Variants in CEP63 observed in about 807,000 individuals in gnomAD.
CEP63 encodes the protein centrosomal protein 63.
A neutral mutation model predicts 89.1 loss-of-function variants in CEP63; 84 were observed. That is an observed-to-expected ratio of 0.94 (90% CI 0.79 to 1.13). The LOEUF (loss-of-function observed/expected upper bound fraction) is 1.13. Among genes scored for constraint, CEP63 ranks in the 50% most tolerant of loss-of-function variants. The pLI is 0.00. For synonymous variants in CEP63, 267 were observed against 272.5 expected (o/e 0.98, Z 0.20); for missense variants, 838 against 813.3 (o/e 1.03, Z -0.37).
chr3:134,753,784 C>T, the CEP63 span, among the ~76,000 whole-genome samples: 1 of 152,204 alleles, frequency 6.6e-6, no homozygotes, highest in Non-Finnish European at 1.5e-5. Context: ...GGTGGGGTAA[C>T]TTACCTGAGG....
chr3:134,516,990 G>A (rs945219822), intron 3 of CEP63, among the ~76,000 whole-genome samples: 1 of 152,154 alleles, frequency 6.6e-6, no homozygotes, highest in Non-Finnish European at 1.5e-5. Context: ...TTCAAGTAGT[G>A]GAGGGACTAG....
chr3:134,635,911 C>T, the CEP63 span, among the ~76,000 whole-genome samples: 4 of 152,290 alleles, frequency 2.6e-5, no homozygotes, highest in East Asian at 7.7e-4. Flanking sequence ...TTTTCATAAC[C>T]TGCTTTCTTC....
At chr3:134,490,537 A>T (rs879476378) in intron 1 of CEP63, among the ~76,000 whole-genome samples, 1 of 151,902 alleles carries the variant, frequency 6.6e-6, no homozygotes, top group South Asian at 2.1e-4. Flanking sequence ...TTAGCCTATC[A>T]AGTTGATATC....
chr3:134,588,154 G>A (rs1233659689), downstream of CEP63, among the ~76,000 whole-genome samples: 1 of 152,116 alleles, frequency 6.6e-6, no homozygotes, highest in African/African-American at 2.4e-5. Context: ...TCAGCTGGGT[G>A]TGGTGGCACG....
Position 134,507,184 on chromosome 3 carries a change from A to G in CEP63, c.120A>G (p.Lys40=), listed in dbSNP as rs1426225764. ...KQIDIMVAHK[K]SEWEGRTHAL... The stretch of plus-strand genomic sequence containing the variant: ...TTGACATAATGGTGGCTCATAAAAA[A>G]TCTGAATGGGAAGGACGTACACATG... Residue 40 remains lysine, a synonymous_variant, in exon 3 of 15, where the codon AAA becomes AAG. Transcript: ENST00000675561. 1.2e-6 allele frequency: 2 copies of G among 1,613,750 alleles called. No individual in the cohort carries two copies. The highest frequency in any genetic ancestry group is 1.7e-6 in the Non-Finnish European group (2 of 1,179,894).
At chr3:134,547,165 C>T (rs186324897) in intron 8 of CEP63, among the ~76,000 whole-genome samples, 170 bp from the exon 9 acceptor site, 6 of 152,256 alleles carry the variant, frequency 3.9e-5, no homozygotes, top group African/African-American at 1.4e-4. Flanking sequence ...GAAGTATCAG[C>T]ATCTCTTGAC....
At chr3:134,710,640 T>C in the CEP63 span, among the ~76,000 whole-genome samples, 3 of 152,206 alleles carry the variant, frequency 2.0e-5, no homozygotes, top group African/African-American at 7.2e-5. Flanking sequence ...CAGTTCATCT[T>C]TGTATTTCTA....
the CEP63 span, among the ~76,000 whole-genome samples, chr3:134,624,178 C>A: frequency 6.6e-6 from 1 of 152,166 alleles, no homozygotes; most frequent in African/African-American, 2.4e-5. Flanking sequence ...CCCTCTCCCC[C>A]ACCTCCCACC....
chr3:134,627,508 G>A, the CEP63 span, among the ~76,000 whole-genome samples: 1 of 152,172 alleles, frequency 6.6e-6, no homozygotes, highest in African/African-American at 2.4e-5. Flanking sequence ...ATAATGGTCT[G>A]CCTTGTTATT....
At chr3:134,496,395 A>G (rs1023189274) in intron 2 of CEP63, among the ~76,000 whole-genome samples, 2 of 144,740 alleles carry the variant, frequency 1.4e-5, no homozygotes, top group African/African-American at 5.1e-5. Context: ...ACATCAAACA[A>G]AGTAACATTT....
the CEP63 span, among the ~76,000 whole-genome samples, chr3:134,648,944 TTGCACCCA>T: frequency 6.6e-6 from 1 of 152,152 alleles, no homozygotes; most frequent in Non-Finnish European, 1.5e-5. Context: ...GTTTTATATC[TTGCACCCA>T]TGGGAGGCTT....
chr3:134,526,217 A>C (rs1482503556), intron 3 of CEP63, among the ~76,000 whole-genome samples: 1 of 151,108 alleles, frequency 6.6e-6, no homozygotes, highest in African/African-American at 2.4e-5. Flanking sequence ...TGCTTGGTCT[A>C]TTTTGCTATT....
chr3:134,703,140 A>C, the CEP63 span, among the ~76,000 whole-genome samples: 1 of 151,772 alleles, frequency 6.6e-6, no homozygotes, highest in Non-Finnish European at 1.5e-5. Flanking sequence ...CTAAAAATAC[A>C]AAAAAATTAG....
the CEP63 span, among the ~76,000 whole-genome samples, chr3:134,751,966 G>C: frequency 6.6e-6 from 1 of 152,258 alleles, no homozygotes; most frequent in East Asian, 1.9e-4. Flanking sequence ...TGCGTTCCTA[G>C]AAGATGGAGC....
downstream of CEP63, among the ~76,000 whole-genome samples, chr3:134,589,672 T>C (rs1240208779): frequency 6.6e-6 from 1 of 151,744 alleles, no homozygotes. Context: ...TTTCAGCCAT[T>C]ATGGAAAGCA....
the CEP63 span, among the ~76,000 whole-genome samples, chr3:134,690,920 T>C: frequency 6.6e-6 from 1 of 152,100 alleles, no homozygotes; most frequent in Non-Finnish European, 1.5e-5. Context: ...AGCTAATTTT[T>C]GTATTTTTGG....
At chr3:134,495,737 A>G (rs894865454) in intron 2 of CEP63, among the ~76,000 whole-genome samples, 1 of 151,768 alleles carries the variant, frequency 6.6e-6, no homozygotes. Flanking sequence ...TTCACCCCCA[A>G]CCCCTTCCCA....
chr3:134,604,657 G>C, the CEP63 span, among the ~76,000 whole-genome samples: 7 of 152,216 alleles, frequency 4.6e-5, no homozygotes, highest in African/African-American at 1.7e-4. Context: ...ACTGAGCATG[G>C]CATCAGCCAG....
intron 11 of CEP63, among the ~76,000 whole-genome samples, chr3:134,573,175 GT>G (rs1250954777): frequency 1.3e-5 from 2 of 152,130 alleles, no homozygotes; most frequent in Non-Finnish European, 2.9e-5. Context: ...TTGTCAGATT[GT>G]TTAGTTTGAG....
Sources: gnomAD v4.1 joint callset for allele counts (sites outside exome capture counted in the v4.1 genomes callset) on GRCh38, gnomAD v4.1.1 for gene constraint, MANE v1.5 for transcripts, NCBI Gene and HGNC (gene_info 2026-07-23, HGNC 2026-07-21) for gene names.